The following ZDHHC9 variants were observed in gnomAD, a reference collection of about 807,000 sequenced individuals.
The protein encoded by ZDHHC9 is palmitoyltransferase ZDHHC9.
In ZDHHC9, 3 loss-of-function variants were observed where a neutral mutation model predicts 26.6. The observed-to-expected ratio is 0.11, with a 90% CI of 0.05 to 0.29. The LOEUF is 0.29. ZDHHC9 is among the 10% of genes least tolerant of loss of function. The pLI is 1.00. For synonymous variants in ZDHHC9, 111 were observed against 109.4 expected (o/e 1.01, Z -0.09); for missense variants, 146 against 296.4 (o/e 0.49, Z 3.73).
At chrX:129,807,552 G>C (rs1927549925) in intron 10 of ZDHHC9, among the ~76,000 whole-genome samples, 2 of 111,282 alleles carry the variant, frequency 1.8e-5, no homozygotes, top group East Asian at 5.6e-4. Context: ...GAGTACGGTG[G>C]CTCGTGCCTA....
At chrX:129,826,087 A>T (rs995776204) in intron 4 of ZDHHC9, among the ~76,000 whole-genome samples, 5 of 112,554 alleles carry the variant, frequency 4.4e-5, no homozygotes, top group African/African-American at 1.3e-4. Flanking sequence ...CTTTGATTTT[A>T]AAAATATCTG....
At chrX:129,840,915 A>C (rs368186481) in intron 3 of ZDHHC9, among the ~76,000 whole-genome samples, 1 of 110,795 alleles carries the variant, frequency 9.0e-6, no homozygotes, top group East Asian at 2.8e-4. Context: ...ACCCATGTAC[A>C]TACACCATAG....
Position 129,804,721 on chromosome X carries a change from C to T in ZDHHC9, c.*1649G>A, listed in dbSNP as rs1927471546. 1 of 111,931 alleles carries T rather than the reference C, an allele frequency of 8.9e-6. No individual in the cohort carries two copies. Among genetic ancestry groups the T allele is most frequent in the African/African-American group, 3.2e-5 (1 of 30,788 alleles). 9.2% of individuals were successfully genotyped at this position (111,931 alleles called of 1,213,427 possible). A position where few individuals can be genotyped will look rare whatever the true frequency, so the allele number is the denominator to read the frequency against. On this transcript the variant is annotated 3_prime_UTR_variant, in exon 11 of 11. Coordinates refer to ENST00000357166, the MANE Select transcript of ZDHHC9 (RefSeq NM_016032.4). The stretch of plus-strand genomic sequence containing the variant: ...CTTCCTGATCCTGTTCACACTATAT[C>T]TCCTTGAAAGTCCTTTCTTCATAGT...
At chrX:129,839,873 CT>C (rs1466253840) in intron 3 of ZDHHC9, among the ~76,000 whole-genome samples, 1 of 111,822 alleles carries the variant, frequency 8.9e-6, no homozygotes, top group Non-Finnish European at 1.9e-5. Context: ...CTACTCCCTC[CT>C]CCAGCCCTAT....
chrX:129,810,427 G>A (rs1244694175), intron 10 of ZDHHC9, among the ~76,000 whole-genome samples: 1 of 111,025 alleles, frequency 9.0e-6, no homozygotes, highest in Non-Finnish European at 1.9e-5. Flanking sequence ...TCTTAAATAG[G>A]ACAGCTGGGA....
intron 4 of ZDHHC9, among the ~76,000 whole-genome samples, chrX:129,825,353 T>C (rs942546214): frequency 6.3e-5 from 7 of 111,846 alleles, no homozygotes; most frequent in Admixed American, 5.7e-4. Flanking sequence ...AGCTCAGAGA[T>C]ATTTATATTT....
At chrX:129,835,112 G>A (rs1425058815) in intron 3 of ZDHHC9, among the ~76,000 whole-genome samples, 1 of 112,161 alleles carries the variant, frequency 8.9e-6, no homozygotes, top group African/African-American at 3.2e-5. Context: ...GGAAATAGAG[G>A]CTGAAAATGT....
In ZDHHC9 at chrX:129,842,065, A is replaced by T; in HGVS notation, c.-120T>A. 3 of 904,712 alleles carry T rather than the reference A, an allele frequency of 3.3e-6. No homozygotes were observed. The highest frequency in any genetic ancestry group is 3.2e-6 in the Non-Finnish European group (2 of 622,592). The allele number at this position is 904,712 out of a possible 1,213,427, so 74.6% of individuals were successfully genotyped here. ...TGCCGCTGGGTCAAACATCATCAAAAGTCCAATTGCTAGCCCTAAGAAAAA... is the reference window on the plus strand; with the variant it reads ...TGCCGCTGGGTCAAACATCATCAAATGTCCAATTGCTAGCCCTAAGAAAAA... On this transcript the variant is annotated 5_prime_UTR_variant, in exon 3 of 11. Transcript: ENST00000357166.
At chrX:129,827,533 T>C (rs1261565036) in intron 4 of ZDHHC9, among the ~76,000 whole-genome samples, 1 of 110,686 alleles carries the variant, frequency 9.0e-6, no homozygotes, top group Non-Finnish European at 1.9e-5. Context: ...TCCCACTCCC[T>C]CCTAGTACTT....
chrX:129,842,079 C>T lies in ZDHHC9; in HGVS notation c.-134G>A, dbSNP rs1352638451. On this transcript the variant is annotated splice_region_variant and 5_prime_UTR_variant, in exon 3 of 11. Transcript: ENST00000357166. ...ACATCATCAAAAGTCCAATTGCTAG[C>T]CCTAAGAAAAAGCAGAAAAAGAAAA... 1.2e-5 allele frequency: 10 copies of T among 804,586 alleles called. No homozygotes were observed. Among genetic ancestry groups the T allele is most frequent in the Non-Finnish European group, 1.8e-5 (10 of 548,880 alleles). 66.3% of individuals were successfully genotyped at this position (804,586 alleles called of 1,213,427 possible). A position where few individuals can be genotyped will look rare whatever the true frequency, so the allele number is the denominator to read the frequency against.
rs1928395254 is a variant in ZDHHC9 at position 129,842,072 on chromosome X, T to C, written c.-127A>G. On this transcript the variant is annotated 5_prime_UTR_variant, in exon 3 of 11. Coordinates refer to ENST00000357166, the MANE Select transcript of ZDHHC9 (RefSeq NM_016032.4). ...GGGTCAAACATCATCAAAAGTCCAATTGCTAGCCCTAAGAAAAAGCAGAAA... is the reference window on the plus strand; with the variant it reads ...GGGTCAAACATCATCAAAAGTCCAACTGCTAGCCCTAAGAAAAAGCAGAAA... The C allele has an allele frequency of 2.4e-6, 2 of 841,140 alleles. No individual in the cohort carries two copies. Among genetic ancestry groups the C allele is most frequent in the Non-Finnish European group, 3.5e-6 (2 of 572,209 alleles). 69.3% of individuals were successfully genotyped at this position (841,140 alleles called of 1,213,427 possible). A position where few individuals can be genotyped will look rare whatever the true frequency, so the allele number is the denominator to read the frequency against.
intron 10 of ZDHHC9, among the ~76,000 whole-genome samples, chrX:129,806,769 C>T (rs1927525626): frequency 1.8e-5 from 2 of 111,781 alleles, no homozygotes; most frequent in Admixed American, 1.9e-4. Flanking sequence ...TTACACAGGT[C>T]CTCCCCACTT....
At position 129,823,823 on chromosome X, in the gene ZDHHC9, C is replaced by T. The variant is rs1255679193; in HGVS notation, c.343G>A (p.Ala115Thr). 3 of 1,209,048 alleles carry T rather than the reference C, an allele frequency of 2.5e-6. No homozygotes were observed. Among genetic ancestry groups the T allele is most frequent in the Non-Finnish European group, 3.4e-6 (3 of 895,184 alleles). ...IEMEIEATNGAVPQGQRPPPR... is the reference protein window; with the variant it reads ...IEMEIEATNGTVPQGQRPPPR... ...GGTGGTCGCTGGCCCTGGGGCACCG[C>T]ACCATTGGTAGCTTCTGTAAATCAA... Residue 115 changes from alanine to threonine, a missense_variant, in exon 5 of 11, where the codon GCG (alanine) becomes ACG (threonine). This residue lies in a region of ZDHHC9 where 100 missense variants were observed against 250.0 expected (regional missense o/e 0.40). Transcript: ENST00000357166.
At chrX:129,819,032 G>A (rs1280800942) in intron 5 of ZDHHC9, among the ~76,000 whole-genome samples, 2 of 108,859 alleles carry the variant, frequency 1.8e-5, no homozygotes, top group African/African-American at 6.7e-5. Context: ...AATTAGCCAG[G>A]CGTGGTGGCG....
chrX:129,818,335 T>C (rs185525541), intron 5 of ZDHHC9, among the ~76,000 whole-genome samples: 1 of 111,841 alleles, frequency 8.9e-6, no homozygotes, highest in African/African-American at 3.3e-5. Context: ...TGAGGTATTT[T>C]GTTATGGTAA....
chrX:129,832,150 G>GTA (rs1247879074), intron 3 of ZDHHC9, among the ~76,000 whole-genome samples: 1 of 106,409 alleles, frequency 9.4e-6, no homozygotes, highest in Non-Finnish European at 1.9e-5. Context: ...ATATATCTTT[G>GTA]TATATATATC....
chrX:129,840,959 C>A (rs987638228), intron 3 of ZDHHC9, among the ~76,000 whole-genome samples: 5 of 110,916 alleles, frequency 4.5e-5, no homozygotes, highest in African/African-American at 1.6e-4. Context: ...ACAGTCCACA[C>A]ACACACCTCT....
intron 3 of ZDHHC9, 57 bp from the exon 4 acceptor site, chrX:129,829,198 T>C (rs1928088424): frequency 8.7e-7 from 1 of 1,152,436 alleles, no homozygotes; most frequent in Non-Finnish European, 1.2e-6. Flanking sequence ...TGATCTCCAA[T>C]TGTTACCAGT....
At chrX:129,824,367 G>T (rs1380494982) in intron 4 of ZDHHC9, among the ~76,000 whole-genome samples, 1 of 111,104 alleles carries the variant, frequency 9.0e-6, no homozygotes, top group Admixed American at 9.6e-5. Flanking sequence ...TTGGCTCACT[G>T]CAATTTCTGC....
Sources: gnomAD v4.1 joint callset for allele counts (sites outside exome capture counted in the v4.1 genomes callset) on GRCh38, gnomAD v4.1.1 for gene constraint, gnomAD v4.1.1 regional missense constraint, MANE v1.5 for transcripts, NCBI Gene and HGNC (gene_info 2026-07-23, HGNC 2026-07-21) for gene names.